The following RPS6KA5 variants were observed in gnomAD, a reference collection of about 807,000 sequenced individuals.
RPS6KA5 encodes ribosomal protein S6 kinase alpha-5.
RPS6KA5 carries 27 observed loss-of-function variants against 85.5 expected under a neutral mutation model. That is an observed-to-expected ratio of 0.32 (90% confidence interval 0.23 to 0.44). The LOEUF (loss-of-function observed/expected upper bound fraction) is 0.44, where lower values mean the gene tolerates loss of function less well. Among genes scored for constraint, RPS6KA5 ranks in the 20% least tolerant of loss-of-function variants. The pLI, the probability that RPS6KA5 is intolerant of heterozygous loss-of-function variation, is 1.00. For synonymous variants in RPS6KA5, 334 were observed against 348.2 expected (o/e 0.96, Z 0.46); for missense variants, 811 against 980.9 (o/e 0.83, Z 2.31).
intron 2 of RPS6KA5, among the ~76,000 whole-genome samples, chr14:90,993,504 T>A (rs1303664503): frequency 5.9e-5 from 9 of 152,196 alleles, no homozygotes; most frequent in Admixed American, 5.9e-4. Context: ...ACAAGTGTCT[T>A]TTTGCCACAC....
At chr14:91,060,208 GC>G in intron 1 of RPS6KA5, 123 bp downstream of exon 1, 6 of 898,596 alleles carry the variant, frequency 6.7e-6, no homozygotes, top group Non-Finnish European at 7.9e-6. Context: ...GCGACGCCCC[GC>G]CCCAGGCCCG....
intron 1 of RPS6KA5, among the ~76,000 whole-genome samples, chr14:91,035,806 G>GA (rs1391574844): frequency 6.0e-5 from 7 of 115,748 alleles, no homozygotes; most frequent in Admixed American, 2.0e-4. Context: ...AAAATCAGAA[G>GA]ATGCTAATCA....
At chr14:90,899,998 G>A (rs1595160908) in intron 11 of RPS6KA5, 110 bp downstream of exon 11, 2 of 890,570 alleles carry the variant, frequency 2.2e-6, no homozygotes, top group East Asian at 6.2e-5. Context: ...TTAAACCTTT[G>A]GGTAAGAAAG....
chr14:90,910,886 C>T (rs1273997819), intron 7 of RPS6KA5, among the ~76,000 whole-genome samples: 4 of 151,988 alleles, frequency 2.6e-5, no homozygotes, highest in Admixed American at 1.3e-4. Flanking sequence ...AGGGTTTCAC[C>T]GTGTTAGCCA....
chr14:90,985,003 C>T (rs539707784), intron 2 of RPS6KA5, among the ~76,000 whole-genome samples: 45 of 151,922 alleles, frequency 3.0e-4, no homozygotes, highest in African/African-American at 5.6e-4. Flanking sequence ...TGCAATGGCA[C>T]GATCTTGGCT....
rs1414725054 is a variant in RPS6KA5 at position 90,856,643 on chromosome 14, G to C, written c.*15431C>G. The C allele has an allele frequency of 6.6e-6, 1 of 152,210 alleles. No homozygotes were observed. Among genetic ancestry groups the C allele is most frequent in the African/African-American group, 2.4e-5 (1 of 41,428 alleles). The allele number at this position is 152,210 out of a possible 1,614,324, so 9.4% of individuals were successfully genotyped here. On this transcript the variant is annotated 3_prime_UTR_variant, in exon 17 of 17. Coordinates refer to ENST00000614987, the MANE Select transcript of RPS6KA5 (RefSeq NM_004755.4). ...CTCCCAAAGTGCTGGGATCACAGGC[G>C]TGAGCCACTGTGCACGGCCTGTGTG...
intron 1 of RPS6KA5, among the ~76,000 whole-genome samples, chr14:91,036,091 T>C (rs1255588701): frequency 2.7e-5 from 3 of 111,732 alleles, no homozygotes; most frequent in East Asian, 2.8e-4. Flanking sequence ...ATTTTCAAAA[T>C]AGACTGTGGG....
At chr14:91,033,323 G>C (rs184560255) in intron 1 of RPS6KA5, among the ~76,000 whole-genome samples, 10 of 152,216 alleles carry the variant, frequency 6.6e-5, no homozygotes, top group Admixed American at 4.6e-4. Context: ...CGTGACAATA[G>C]AAACTGTTGG....
At chr14:90,978,636 A>C in intron 2 of RPS6KA5, 112 bp from the exon 3 acceptor site, 1 of 757,716 alleles carries the variant, frequency 1.3e-6, no homozygotes, top group Non-Finnish European at 2.1e-6. Context: ...TAAAGGAAAA[A>C]GTACCCTTGG....
intron 2 of RPS6KA5, among the ~76,000 whole-genome samples, chr14:90,984,141 C>T (rs1349598044): frequency 1.3e-5 from 2 of 152,142 alleles, no homozygotes; most frequent in Non-Finnish European, 2.9e-5. Flanking sequence ...CCACCACACT[C>T]GGCCTGAGAT....
chr14:90,923,425 C>A (rs946977165), intron 5 of RPS6KA5, among the ~76,000 whole-genome samples: 2 of 149,134 alleles, frequency 1.3e-5, no homozygotes, highest in Admixed American at 1.3e-4. Context: ...TGAAATGGTA[C>A]CATCATCCAT....
At chr14:91,049,188 C>G (rs1460249171) in intron 1 of RPS6KA5, among the ~76,000 whole-genome samples, 1 of 152,152 alleles carries the variant, frequency 6.6e-6, no homozygotes, top group African/African-American at 2.4e-5. Context: ...CTTTTAAGGT[C>G]TAGGCACTAG....
Position 90,871,404 on chromosome 14 carries a change from T to C in RPS6KA5, c.*670A>G, listed in dbSNP as rs912305510. The C allele has an allele frequency of 2.0e-5, 3 of 152,100 alleles. No homozygotes were observed. The highest frequency in any genetic ancestry group is 7.3e-5 in the African/African-American group (3 of 41,340). 9.4% of individuals were successfully genotyped at this position (152,100 alleles called of 1,614,324 possible). ...AAAACAAATTGCCAGGAAAGAGCAG[T>C]GCAAAATTAAAAACATACACATAGC... On this transcript the variant is annotated 3_prime_UTR_variant, in exon 17 of 17. Coordinates refer to ENST00000614987, the MANE Select transcript of RPS6KA5 (RefSeq NM_004755.4).
intron 12 of RPS6KA5, among the ~76,000 whole-genome samples, chr14:90,896,838 A>G (rs916447982): frequency 3.9e-5 from 6 of 152,056 alleles, no homozygotes; most frequent in Admixed American, 1.3e-4. Flanking sequence ...ATCCCACCTC[A>G]GCCTCCAGAG....
At position 90,947,547 on chromosome 14, in the gene RPS6KA5, T is replaced by A. The variant is rs771998704; in HGVS notation, c.398A>T (p.Tyr133Phe). Residue 133 changes from tyrosine to phenylalanine, a missense_variant, in exon 4 of 17, where the codon TAT becomes TTT. Around this residue, in one of 3 missense-constraint regions of RPS6KA5, gnomAD observed 48 missense variants for 87.6 expected, o/e 0.55. Transcript: ENST00000614987. Reference sequence around the variant, plus strand: ...AGTAAAAAGTTCACCACCATTTATATAATCTAAAAATGAAATACATTTTTC... The same window carrying A: ...AGTAAAAAGTTCACCACCATTTATAAAATCTAAAAATGAAATACATTTTTC... Reference protein sequence around the residue: ...TETKLHLILDYINGGELFTHL... With the variant: ...TETKLHLILDFINGGELFTHL... 1 of 1,544,790 alleles carries A rather than the reference T, an allele frequency of 6.5e-7. No homozygotes were observed. Among genetic ancestry groups the A allele is most frequent in the South Asian group, 1.1e-5 (1 of 88,130 alleles).
intron 14 of RPS6KA5, among the ~76,000 whole-genome samples, chr14:90,879,722 T>C (rs894049930): frequency 1.6e-4 from 25 of 152,128 alleles, no homozygotes; most frequent in African/African-American, 6.0e-4. Flanking sequence ...ACACAAGTAT[T>C]AGCTTCAGGT....
At chr14:90,920,893 G>T (rs1376201529) in intron 6 of RPS6KA5, among the ~76,000 whole-genome samples, 2 of 151,938 alleles carry the variant, frequency 1.3e-5, no homozygotes, top group Non-Finnish European at 2.9e-5. Flanking sequence ...ATAATTTAAA[G>T]AATCTTTTAT....
intron 1 of RPS6KA5, among the ~76,000 whole-genome samples, chr14:91,048,096 T>C (rs2042943702): frequency 6.6e-6 from 1 of 152,188 alleles, no homozygotes; most frequent in Admixed American, 6.5e-5. Context: ...GATTAGGATG[T>C]GGGTATCTTG....
rs1189050107 is a variant in RPS6KA5 at position 90,948,694 on chromosome 14, C to CA, written c.395-1145dup. ...TGGGCGAAAGAGTGAGACTCTGTCT[C>CA]AAAAAAAAAAACAAAAAAACCCCAA... is the stretch of plus-strand genomic sequence containing the variant. On this transcript the variant is annotated intron_variant, in intron 3 of 16. Coordinates refer to ENST00000614987, the MANE Select transcript of RPS6KA5 (RefSeq NM_004755.4). Among the ~76,000 whole-genome samples, 454 of 124,710 alleles carry CA rather than the reference C, an allele frequency of 3.6e-3. 3 individuals are homozygous for CA. Among genetic ancestry groups the CA allele is most frequent in the African/African-American group, 6.0e-3 (194 of 32,112 alleles). 81.8% of individuals were successfully genotyped at this position (124,710 alleles called of 152,430 possible).
Sources: gnomAD v4.1 joint callset for allele counts (sites outside exome capture counted in the v4.1 genomes callset) on GRCh38, gnomAD v4.1.1 for gene constraint, gnomAD v4.1.1 regional missense constraint, MANE v1.5 for transcripts, NCBI Gene and HGNC (gene_info 2026-07-23, HGNC 2026-07-21) for gene names.